The following NXNL2 variants were observed in gnomAD, a reference collection of about 807,000 sequenced individuals.
NXNL2 encodes nucleoredoxin like 2, also known as nucleoredoxin-like protein 2.
NXNL2 carries 7 observed loss-of-function variants against 11.1 expected under a neutral mutation model. That is an observed-to-expected ratio of 0.63 (90% confidence interval 0.36 to 1.18). NXNL2 has a LOEUF of 1.18. Among genes scored for constraint, NXNL2 ranks in the 50% most tolerant of loss-of-function variants. The pLI is 0.02. For missense variants in NXNL2, 233 were observed against 217.7 expected (o/e 1.07, Z -0.44); for synonymous variants, 109 against 101.8 (o/e 1.07, Z -0.42).
At chr9:88,547,066 G>C (rs150701686), downstream of NXNL2, among the ~76,000 whole-genome samples, 253 of 152,348 alleles carry the variant, frequency 1.7e-3, 2 homozygotes, top group African/African-American at 5.7e-3. Flanking sequence ...TGGGGCAGGG[G>C]TTGAAAGACA....
At chr9:88,582,362 G>T (rs890580867) in intron 1 of NXNL2, among the ~76,000 whole-genome samples, 1 of 152,062 alleles carries the variant, frequency 6.6e-6, no homozygotes, top group Non-Finnish European at 1.5e-5. Context: ...CCAGCTACTC[G>T]GGAGGCTGAG....
At chr9:88,567,120 A>G (rs776311315) in intron 1 of NXNL2, among the ~76,000 whole-genome samples, 6 of 152,024 alleles carry the variant, frequency 3.9e-5, no homozygotes, top group Non-Finnish European at 5.9e-5. Flanking sequence ...TAGATTCTCT[A>G]TAACTATTTC....
chr9:88,548,249 G>A (rs1370116133), downstream of NXNL2, among the ~76,000 whole-genome samples: 1 of 140,346 alleles, frequency 7.1e-6, no homozygotes, highest in African/African-American at 2.7e-5. Flanking sequence ...TGAGGCAGGA[G>A]AATTGCTTGA....
chr9:88,535,795 A>T (rs970073139), intron 1 of NXNL2, 59 bp downstream of exon 1: 102 of 1,386,466 alleles, frequency 7.4e-5, no homozygotes, highest in Non-Finnish European at 8.7e-5. Context: ...ATGTTCCCCC[A>T]GGCCTCCCCC....
At chr9:88,550,993 A>C (rs1259183195) in intron 1 of NXNL2, among the ~76,000 whole-genome samples, 1 of 152,056 alleles carries the variant, frequency 6.6e-6, no homozygotes, top group African/African-American at 2.4e-5. Context: ...ATTTCCCTTA[A>C]AGAAACTCAA....
Position 88,544,256 on chromosome 9 carries a change from G to T in NXNL2, c.303-123G>T, listed in dbSNP as rs540702316. 6 of 715,580 alleles carry T rather than the reference G, an allele frequency of 8.4e-6. No homozygotes were observed. The African/African-American group carries it at 8.9e-5, about 11-fold the overall frequency. The allele number at this position is 715,580 out of a possible 1,614,324, so 44.3% of individuals were successfully genotyped here. A position where few individuals can be genotyped will look rare whatever the true frequency, so the allele number is the denominator to read the frequency against. Reference sequence around the variant, plus strand: ...CCAGCAGGAGGGAGAGCAGGAGCAGGCTGGGTGGGGCACCTGGTGGCTTCC... The same window carrying T: ...CCAGCAGGAGGGAGAGCAGGAGCAGTCTGGGTGGGGCACCTGGTGGCTTCC... On this transcript the variant is annotated intron_variant, in intron 1 of 1. Transcript: ENST00000375854.
downstream of NXNL2, among the ~76,000 whole-genome samples, chr9:88,577,630 A>AGAGG (rs1186732168): frequency 6.6e-6 from 1 of 151,146 alleles, no homozygotes; most frequent in Non-Finnish European, 1.5e-5. Flanking sequence ...AGAAAGAGAG[A>AGAGG]GAGAGAGAGA....
chr9:88,537,610 C>T (rs545590737), intron 1 of NXNL2, among the ~76,000 whole-genome samples: 5 of 152,184 alleles, frequency 3.3e-5, no homozygotes, highest in African/African-American at 9.7e-5. Flanking sequence ...GTTGGAGCTA[C>T]GCCCTAAATT....
downstream of NXNL2, among the ~76,000 whole-genome samples, chr9:88,579,502 G>A (rs1830386182): frequency 6.6e-6 from 1 of 152,188 alleles, no homozygotes. Context: ...CAAGTCCAGT[G>A]GAGGTGGGGC....
At chr9:88,562,614 A>C (rs181158465) in intron 1 of NXNL2, among the ~76,000 whole-genome samples, 3 of 151,634 alleles carry the variant, frequency 2.0e-5, no homozygotes, top group Admixed American at 2.0e-4. Context: ...TTAGCCAGGC[A>C]TGGTGGCGTG....
chr9:88,583,123 C>T (rs189626626), intron 1 of NXNL2, among the ~76,000 whole-genome samples: 27 of 152,296 alleles, frequency 1.8e-4, no homozygotes, highest in African/African-American at 6.0e-4. Context: ...CTCTCTGTGG[C>T]CTCTTATCCC....
At chr9:88,543,005 C>G (rs1377992041) in intron 1 of NXNL2, among the ~76,000 whole-genome samples, 2 of 152,190 alleles carry the variant, frequency 1.3e-5, no homozygotes, top group African/African-American at 4.8e-5. Flanking sequence ...AGGGATTTCA[C>G]CCGGCTGCCC....
At chr9:88,548,569 T>C (rs1206525703), downstream of NXNL2, among the ~76,000 whole-genome samples, 1 of 147,686 alleles carries the variant, frequency 6.8e-6, no homozygotes, top group Non-Finnish European at 1.5e-5. Context: ...GCATCTGTAG[T>C]CCCAGCTACT....
intron 1 of NXNL2, among the ~76,000 whole-genome samples, chr9:88,551,061 C>A (rs1015885443): frequency 6.6e-6 from 1 of 152,108 alleles, no homozygotes; most frequent in Non-Finnish European, 1.5e-5. Flanking sequence ...GGGGTCCCTG[C>A]TGCATCTCAA....
intron 1 of NXNL2, among the ~76,000 whole-genome samples, chr9:88,552,688 C>T (rs1254411104): frequency 6.6e-6 from 1 of 152,124 alleles, no homozygotes; most frequent in Non-Finnish European, 1.5e-5. Flanking sequence ...CCAGGATGGT[C>T]TCAATCTCCT....
chr9:88,535,878 G>A, intron 1 of NXNL2, 142 bp downstream of exon 1: 1 of 674,576 alleles, frequency 1.5e-6, no homozygotes, highest in Non-Finnish European at 2.4e-6. Flanking sequence ...CCGGACTCCG[G>A]TAAATCACAC....
At chr9:88,580,447 T>C (rs748157138), downstream of NXNL2, among the ~76,000 whole-genome samples, 6 of 152,166 alleles carry the variant, frequency 3.9e-5, no homozygotes, top group Non-Finnish European at 8.8e-5. Context: ...TGGCCAAAAT[T>C]GATCATTTCT....
At chr9:88,567,638 T>A (rs1381122630) in intron 1 of NXNL2, among the ~76,000 whole-genome samples, 1 of 152,230 alleles carries the variant, frequency 6.6e-6, no homozygotes, top group Non-Finnish European at 1.5e-5. Context: ...ATGATTCATC[T>A]CTGTTTTTCT....
chr9:88,555,664 C>T (rs114630034), intron 1 of NXNL2, among the ~76,000 whole-genome samples: 2,232 of 152,226 alleles, frequency 0.015, 48 homozygotes, highest in African/African-American at 0.048. Flanking sequence ...AAAGCCCTGG[C>T]GATTCTTTCG....
Sources: gnomAD v4.1 joint callset for allele counts (sites outside exome capture counted in the v4.1 genomes callset) on GRCh38, gnomAD v4.1.1 for gene constraint, MANE v1.5 for transcripts, NCBI Gene and HGNC (gene_info 2026-07-23, HGNC 2026-07-21) for gene names.